The following GALNT17 variants were observed in gnomAD, a reference collection of about 807,000 sequenced individuals.
GALNT17 encodes the protein polypeptide N-acetylgalactosaminyltransferase 17.
A neutral mutation model predicts 63.7 loss-of-function variants in GALNT17; 29 were observed. The ratio of observed to expected loss-of-function variants is 0.46; its 90% confidence interval spans 0.34 to 0.62. The LOEUF (loss-of-function observed/expected upper bound fraction) is 0.62, where lower values mean the gene tolerates loss of function less well. Ranked by LOEUF, GALNT17 falls within the 20% of genes least tolerant of loss-of-function variation. The pLI is 0.01. For missense variants in GALNT17, 603 were observed against 799.6 expected (o/e 0.75, Z 2.97); for synonymous variants, 305 against 318.3 (o/e 0.96, Z 0.45).
chr7:71,482,443 C>G (rs1787838133), intron 5 of GALNT17, among the ~76,000 whole-genome samples: 1 of 152,190 alleles, frequency 6.6e-6, no homozygotes, highest in Admixed American at 6.5e-5. Flanking sequence ...AGCCACTGCA[C>G]CTGCCGACAG....
At chr7:71,138,890 A>G (rs1363382078) in intron 1 of GALNT17, among the ~76,000 whole-genome samples, 1 of 152,170 alleles carries the variant, frequency 6.6e-6, no homozygotes, top group Non-Finnish European at 1.5e-5. Flanking sequence ...CAGGAGAATC[A>G]CTTGAACCTG....
intron 1 of GALNT17, among the ~76,000 whole-genome samples, chr7:71,208,049 C>T (rs371774706): frequency 3.7e-4 from 57 of 152,088 alleles, no homozygotes; most frequent in African/African-American, 1.3e-3. Context: ...GATCCTCCCA[C>T]CTCGGCCTCC....
At chr7:71,321,567 C>T (rs1400840169) in intron 1 of GALNT17, among the ~76,000 whole-genome samples, 3 of 152,208 alleles carry the variant, frequency 2.0e-5, no homozygotes, top group Non-Finnish European at 4.4e-5. Context: ...CACTTCAGAA[C>T]ATTCTTCATT....
At chr7:71,600,117 T>A (rs1789944028) in intron 6 of GALNT17, among the ~76,000 whole-genome samples, 1 of 151,942 alleles carries the variant, frequency 6.6e-6, no homozygotes, top group African/African-American at 2.4e-5. Context: ...GATAGAACAT[T>A]AGTTTTGGGG....
intron 6 of GALNT17, among the ~76,000 whole-genome samples, chr7:71,580,042 A>C (rs146470514): frequency 2.6e-5 from 4 of 151,776 alleles, no homozygotes; most frequent in Non-Finnish European, 5.9e-5. Flanking sequence ...GGATGGATAG[A>C]TAGAGATGAT....
intron 6 of GALNT17, among the ~76,000 whole-genome samples, chr7:71,648,563 A>G (rs190242370): frequency 2.8e-4 from 43 of 152,238 alleles, no homozygotes; most frequent in African/African-American, 9.6e-4. Context: ...ATGAGCCACT[A>G]TGCTTGGTCC....
At chr7:71,609,321 G>C (rs1308961592) in intron 6 of GALNT17, among the ~76,000 whole-genome samples, 1 of 152,216 alleles carries the variant, frequency 6.6e-6, no homozygotes, top group Non-Finnish European at 1.5e-5. Context: ...GATGAGGACT[G>C]AGGTCACCAA....
chr7:71,606,661 G>A (rs6944213), intron 6 of GALNT17, among the ~76,000 whole-genome samples: 12,025 of 152,198 alleles, frequency 0.079, 557 homozygotes, highest in African/African-American at 0.13. Flanking sequence ...AAACAGGCCT[G>A]TGATGAGTGA....
chr7:71,587,137 C>T (rs1789730821), intron 6 of GALNT17, among the ~76,000 whole-genome samples: 1 of 152,178 alleles, frequency 6.6e-6, no homozygotes, highest in Non-Finnish European at 1.5e-5. Flanking sequence ...AAGCGATTCT[C>T]CTGCCTCAGC....
At chr7:71,376,425 G>GTTTTTTTTTTTTTT (rs57171551) in intron 2 of GALNT17, among the ~76,000 whole-genome samples, 2 of 63,362 alleles carry the variant, frequency 3.2e-5, no homozygotes, top group African/African-American at 6.2e-5. Context: ...GTTTGGAGTT[G>GTTTTTTTTTTTTTT]TTTTTTTTTT....
At chr7:71,423,262 C>T (rs1261784279) in intron 5 of GALNT17, among the ~76,000 whole-genome samples, 1 of 152,230 alleles carries the variant, frequency 6.6e-6, no homozygotes, top group Admixed American at 6.5e-5. Flanking sequence ...CTACCCAGCA[C>T]TTCCCTGCCC....
intron 1 of GALNT17, among the ~76,000 whole-genome samples, chr7:71,203,964 TTTTG>T (rs1268758158): frequency 6.6e-6 from 1 of 152,096 alleles, no homozygotes; most frequent in East Asian, 1.9e-4. Flanking sequence ...TTGTCTGTGC[TTTTG>T]GATTCATATT....
chr7:71,677,097 C>T (rs1481070319), intron 8 of GALNT17, 114 bp from the exon 9 acceptor site: 2 of 1,006,852 alleles, frequency 2.0e-6, no homozygotes, highest in Non-Finnish European at 3.2e-6. Context: ...CACTTAGAGG[C>T]TCGTGTTGTC....
At chr7:71,227,255 T>C (rs1193312882) in intron 1 of GALNT17, among the ~76,000 whole-genome samples, 1 of 150,496 alleles carries the variant, frequency 6.6e-6, no homozygotes, top group Non-Finnish European at 1.5e-5. Context: ...TCGCAGCTAC[T>C]TGGGAGACTG....
At chr7:71,397,057 A>G (rs912432716) in intron 3 of GALNT17, among the ~76,000 whole-genome samples, 1 of 152,104 alleles carries the variant, frequency 6.6e-6, no homozygotes, top group African/African-American at 2.4e-5. Flanking sequence ...TGTTATCTTC[A>G]AATAGTGATA....
At chr7:71,191,205 C>G (rs983231029) in intron 1 of GALNT17, among the ~76,000 whole-genome samples, 2 of 152,160 alleles carry the variant, frequency 1.3e-5, no homozygotes, top group African/African-American at 2.4e-5. Context: ...GTATCGCTTC[C>G]TAGTCAGTCT....
At chr7:71,458,415 A>G (rs1209652581) in intron 5 of GALNT17, among the ~76,000 whole-genome samples, 1 of 152,158 alleles carries the variant, frequency 6.6e-6, no homozygotes, top group East Asian at 1.9e-4. Context: ...GCCCCACGGT[A>G]GCATCTAAGA....
intron 2 of GALNT17, among the ~76,000 whole-genome samples, chr7:71,336,177 C>G (rs1008422774): frequency 1.3e-5 from 2 of 151,742 alleles, no homozygotes; most frequent in Non-Finnish European, 2.9e-5. Context: ...TCCCGAGTAG[C>G]TGGGATTGCA....
intron 2 of GALNT17, among the ~76,000 whole-genome samples, chr7:71,345,224 G>A (rs1451920710): frequency 1.3e-5 from 2 of 148,374 alleles, no homozygotes; most frequent in South Asian, 2.1e-4. Context: ...CTGCTTTTCC[G>A]ATTATCTCGT....
Sources: gnomAD v4.1 joint callset for allele counts (sites outside exome capture counted in the v4.1 genomes callset) on GRCh38, gnomAD v4.1.1 for gene constraint, MANE v1.5 for transcripts, NCBI Gene and HGNC (gene_info 2026-07-23, HGNC 2026-07-21) for gene names.